Variants in MT3 observed in about 807,000 individuals in gnomAD.
MT3 encodes metallothionein-3.
A neutral mutation model predicts 10.9 loss-of-function variants in MT3; 8 were observed. That is an observed-to-expected ratio of 0.73 (90% CI 0.43 to 1.33). The LOEUF is 1.33. MT3 is among the 40% of genes most tolerant of loss of function. The probability of loss-of-function intolerance (pLI) is 0.01; values close to 1 mark genes in which losing one functional copy is unlikely to be tolerated. For missense variants in MT3, 75 were observed against 83.9 expected, an observed-to-expected ratio of 0.89 and a Z score of 0.41; for synonymous variants, 32 against 29.9, an observed-to-expected ratio of 1.07 and a Z score of -0.23.
rs776099700 is a variant in MT3 at position 56,589,682 on chromosome 16, C to T, written c.31+61C>T. On this transcript the variant is annotated intron_variant, in intron 1 of 2. Transcript: ENST00000200691. The stretch of plus-strand genomic sequence containing the variant: ...CGCGCCCTTGTACCTGCAAAGAAAC[C>T]CACGCCCTGCGCCTTCGCTCAAGGA... 3.1e-6 allele frequency: 5 copies of T among 1,603,942 alleles called. 1 individual carries two copies. The South Asian group carries it at 5.5e-5, about 18-fold the overall frequency.
Position 56,589,621 on chromosome 16 carries a change from G to A in MT3, c.31G>A (p.Gly11Ser). Reference sequence around the variant, plus strand: ...CCCTGAGACCTGCCCCTGCCCTTCTGGTGAGCCCCCGCCCCCGCTCGCATC... The same window carrying A: ...CCCTGAGACCTGCCCCTGCCCTTCTAGTGAGCCCCCGCCCCCGCTCGCATC... MDPETCPCPS[G>S]GSCTCADSCK... The change falls in exon 1 of 3, where the codon GGT (glycine) becomes AGT (serine). Residue 11 changes from glycine (G) to serine (S), a missense_variant and splice_region_variant. Coordinates refer to ENST00000200691, the MANE Select transcript of MT3 (RefSeq NM_005954.4). The A allele has an allele frequency of 6.2e-7, 1 of 1,605,210 alleles. No homozygotes were observed. Among genetic ancestry groups the A allele is most frequent in the South Asian group, 1.1e-5 (1 of 90,786 alleles).
rs1048973 is a variant in MT3 at position 56,591,035 on chromosome 16, C to T, written c.*86C>T. On this transcript the variant is annotated 3_prime_UTR_variant, in exon 3 of 3. Coordinates refer to ENST00000200691, the MANE Select transcript of MT3 (RefSeq NM_005954.4). ...GCCTGTGGTGAAGTGTGGCTGGTGT[C>T]CCCTTCCCCTGCTGACCTTGGAGGA... The T allele has an allele frequency of 3.7e-6, 4 of 1,084,370 alleles. No individual in the cohort carries two copies. Among genetic ancestry groups the T allele is most frequent in the African/African-American group, 1.6e-5 (1 of 64,430 alleles). 67.2% of individuals were successfully genotyped at this position (1,084,370 alleles called of 1,614,324 possible). A position where few individuals can be genotyped will look rare whatever the true frequency, so the allele number is the denominator to read the frequency against.
chr16:56,590,885 A>C lies in MT3; in HGVS notation c.143A>C (p.Asp48Ala). The change falls in exon 3 of 3, where the codon GAC (aspartate) becomes GCC (alanine). Residue 48 changes from aspartate (D) to alanine (A), a missense_variant. Transcript: ENST00000200691. ...CPAECEKCAK[D>A]CVCKGGEAAE... ...GCGGAGTGTGAGAAGTGTGCCAAGG[A>C]CTGTGTGTGCAAAGGCGGAGAGGCA... 1 of 1,614,012 alleles carries C rather than the reference A, an allele frequency of 6.2e-7. No individual in the cohort carries two copies. The highest frequency in any genetic ancestry group is 8.5e-7 in the Non-Finnish European group (1 of 1,179,996).
At position 56,591,043 on chromosome 16, in the gene MT3, C is replaced by A; in HGVS notation, c.*94C>A. ...TGAAGTGTGGCTGGTGTCCCCTTCCCCTGCTGACCTTGGAGGAATGACAAT... is the reference window on the plus strand; with the variant it reads ...TGAAGTGTGGCTGGTGTCCCCTTCCACTGCTGACCTTGGAGGAATGACAAT... On this transcript the variant is annotated 3_prime_UTR_variant, in exon 3 of 3. Coordinates refer to ENST00000200691, the MANE Select transcript of MT3 (RefSeq NM_005954.4). The A allele has an allele frequency of 1.0e-6, 1 of 989,480 alleles. No individual in the cohort carries two copies. Among genetic ancestry groups the A allele is most frequent in the South Asian group, 1.4e-5 (1 of 72,894 alleles). The allele number at this position is 989,480 out of a possible 1,614,324, so 61.3% of individuals were successfully genotyped here.
At chr16:56,590,405 A>G (rs1959809058) in intron 2 of MT3, 2 of 492,932 alleles carry the variant, frequency 4.1e-6, no homozygotes, top group Non-Finnish European at 7.3e-6. Flanking sequence ...CTTCTTCCCT[A>G]GGTATGAAAC....
chr16:56,589,848 C>A (rs45486094), intron 1 of MT3, 22 bp from the exon 2 acceptor site: 11 of 1,613,708 alleles, frequency 6.8e-6, no homozygotes, highest in Admixed American at 1.7e-5. Flanking sequence ...ATTAACCCTT[C>A]CTGTGGCGTC....
Position 56,589,562 on chromosome 16 carries a change from C to T in MT3, c.-29C>T, listed in dbSNP as rs773452940. 30 of 1,549,364 alleles carry T rather than the reference C, an allele frequency of 1.9e-5. No individual in the cohort carries two copies. Among genetic ancestry groups the T allele is most frequent in the Non-Finnish European group, 2.5e-5 (29 of 1,150,246 alleles). The stretch of plus-strand genomic sequence containing the variant: ...GTCCAGTTGCTTGGAGAAGCCCGTT[C>T]ACCGCCTCCAGCTGCTGCTCTCCTC... On this transcript the variant is annotated 5_prime_UTR_variant, in exon 1 of 3. Transcript: ENST00000200691.
chr16:56,590,464 A>T (rs1472027611), intron 2 of MT3: 6 of 443,142 alleles, frequency 1.4e-5, no homozygotes, highest in Non-Finnish European at 1.6e-5. Flanking sequence ...GGCCCCTTAC[A>T]TCTGCACCAT....
In MT3 at chr16:56,591,058, G is replaced by A. The variant is rs1394454690; in HGVS notation, c.*109G>A. On this transcript the variant is annotated 3_prime_UTR_variant, in exon 3 of 3. Transcript: ENST00000200691. The stretch of plus-strand genomic sequence containing the variant: ...GTCCCCTTCCCCTGCTGACCTTGGA[G>A]GAATGACAATAAATCCCATGAACAG... The A allele has an allele frequency of 3.4e-5, 29 of 861,134 alleles. No homozygotes were observed. In the Admixed American group the frequency reaches 5.7e-4, roughly 17 times the overall value. 53.3% of individuals were successfully genotyped at this position (861,134 alleles called of 1,614,324 possible). A position where few individuals can be genotyped will look rare whatever the true frequency, so the allele number is the denominator to read the frequency against.
At chr16:56,589,824 C>G (rs746887813) in intron 1 of MT3, 46 bp from the exon 2 acceptor site, 2 of 1,609,066 alleles carry the variant, frequency 1.2e-6, no homozygotes, top group Non-Finnish European at 1.7e-6. Flanking sequence ...GCGTGGGGAC[C>G]CGAGTTCGTC....
Position 56,589,608 on chromosome 16 carries a change from C to T in MT3, c.18C>T (p.Cys6=), listed in dbSNP as rs1296506106. 1.2e-6 allele frequency: 2 copies of T among 1,603,992 alleles called. No individual in the cohort carries two copies. The highest frequency in any genetic ancestry group is 4.5e-5 in the East Asian group (2 of 44,836). Residue 6 remains cysteine (C), a synonymous_variant, in exon 1 of 3, where the codon TGC becomes TGT. Transcript: ENST00000200691. The part of the protein sequence containing the change: MDPET[C]PCPSGGSCTC... ...TCCTCGACATGGACCCTGAGACCTG[C>T]CCCTGCCCTTCTGGTGAGCCCCCGC...
chr16:56,590,387 A>G, intron 2 of MT3: 1 of 505,580 alleles, frequency 2.0e-6, no homozygotes, highest in Non-Finnish European at 3.5e-6. Context: ...AGGTGGGAGG[A>G]AGGCTCCCTT....
intron 2 of MT3, 118 bp from the exon 3 acceptor site, chr16:56,590,722 C>T: frequency 2.1e-6 from 2 of 967,102 alleles, no homozygotes; most frequent in South Asian, 1.5e-5. Flanking sequence ...GGGGCTGCGA[C>T]TAGCCCTGGC....
At chr16:56,590,672 G>A (rs576973404) in intron 2 of MT3, 168 bp from the exon 3 acceptor site, 9 of 643,890 alleles carry the variant, frequency 1.4e-5, no homozygotes, top group African/African-American at 1.3e-4. Context: ...CCACTGCCGC[G>A]ACATAGATGC....
intron 2 of MT3, chr16:56,590,618 C>G: frequency 1.8e-6 from 1 of 570,778 alleles, no homozygotes; most frequent in Non-Finnish European, 3.2e-6. Context: ...CCAAGGGGCT[C>G]TGGTCATTTC....
chr16:56,590,758 C>A, intron 2 of MT3, 82 bp from the exon 3 acceptor site: 2 of 1,404,580 alleles, frequency 1.4e-6, no homozygotes, highest in Non-Finnish European at 2.0e-6. Flanking sequence ...GACTCCCCAC[C>A]CAGCACCCTT....
chr16:56,590,684 G>A, intron 2 of MT3, 156 bp from the exon 3 acceptor site: 1 of 677,366 alleles, frequency 1.5e-6, no homozygotes, highest in Non-Finnish European at 2.6e-6. Context: ...CATAGATGCT[G>A]AGTCAAAGCA....
chr16:56,590,245 G>A lies in MT3; in HGVS notation c.97+310G>A, dbSNP rs45541237. 8.6e-4 allele frequency: 521 copies of A among 605,344 alleles called. No homozygotes were observed. The African/African-American group carries it at 8.7e-3, about 10-fold the overall frequency. The allele number at this position is 605,344 out of a possible 1,614,324, so 37.5% of individuals were successfully genotyped here. A position where few individuals can be genotyped will look rare whatever the true frequency, so the allele number is the denominator to read the frequency against. ...CCTCAAAAACTCCCCAAAACCTGGG[G>A]AAGCCATTAGTGAGGCTGCGGCTCA... is the stretch of plus-strand genomic sequence containing the variant. On this transcript the variant is annotated intron_variant, in intron 2 of 2. Transcript: ENST00000200691.
Position 56,590,178 on chromosome 16 carries a change from G to C in MT3, c.97+243G>C, listed in dbSNP as rs986148591. On this transcript the variant is annotated intron_variant, in intron 2 of 2. Transcript: ENST00000200691. ...CCCAGAAGACTCCAATGGCAGCTGG[G>C]ATTGAGGACTGCCACACTGGTCCAA... 2.9e-5 allele frequency: 19 copies of C among 663,398 alleles called. No individual in the cohort carries two copies. The African/African-American group carries it at 3.4e-4, about 12-fold the overall frequency. The allele number at this position is 663,398 out of a possible 1,614,324, so 41.1% of individuals were successfully genotyped here.
Sources: gnomAD v4.1 joint callset for allele counts on GRCh38, gnomAD v4.1.1 for gene constraint, MANE v1.5 for transcripts, NCBI Gene and HGNC (gene_info 2026-07-23, HGNC 2026-07-21) for gene names.